Variants in HPCAL1 observed in about 807,000 individuals in gnomAD.
The protein encoded by HPCAL1 is hippocalcin like 1, also known as hippocalcin-like protein 1.
In HPCAL1, 8 loss-of-function variants were observed where a neutral mutation model predicts 17.1. That is an observed-to-expected ratio of 0.47 (90% confidence interval 0.27 to 0.84). The LOEUF is 0.84. HPCAL1 is among the 40% of genes least tolerant of loss of function. HPCAL1 has a pLI of 0.13. For synonymous variants in HPCAL1, 112 were observed against 111.4 expected (o/e 1.01, Z -0.03); for missense variants, 165 against 271.1 (o/e 0.61, Z 2.75).
chr2:10,426,758 C>A lies in HPCAL1; in HGVS notation c.519C>A (p.Ala173=), dbSNP rs759599660. The A allele has an allele frequency of 6.2e-7, 1 of 1,613,470 alleles. No individual in the cohort carries two copies. Among genetic ancestry groups the A allele is most frequent in the Non-Finnish European group, 8.5e-7 (1 of 1,179,996 alleles). ...KLSLEEFIRG[A]KSDPSIVRLL... is the part of the protein sequence containing the mutation. ...CCTTGGAAGAATTCATCAGAGGTGC[C>A]AAGAGCGACCCCTCCATCGTCCGCC... The change falls in exon 5 of 5, where the codon GCC becomes GCA. Residue 173 remains alanine (A), a synonymous_variant. Transcript: ENST00000307845.
intron 2 of HPCAL1, among the ~76,000 whole-genome samples, chr2:10,400,098 A>G (rs1434103030): frequency 6.6e-6 from 1 of 152,200 alleles, no homozygotes; most frequent in Non-Finnish European, 1.5e-5. Flanking sequence ...GACCTGACCA[A>G]AGGCCTGCAG....
rs904731432 is a variant in HPCAL1 at position 10,391,506 on chromosome 2, T to C, written c.-110-5329T>C. 3.9e-5 allele frequency among the ~76,000 whole-genome samples: 6 copies of C among 152,330 alleles called. No homozygotes were observed. The East Asian group carries it at 9.6e-4, about 24-fold the overall frequency. On this transcript the variant is annotated intron_variant, in intron 1 of 4. Coordinates refer to ENST00000307845, the MANE Select transcript of HPCAL1 (RefSeq NM_002149.4). ...AAGTATACAATGTAAAGTATACAAT[T>C]CAGTGATTTTTAGCATATTCACTTG... is the stretch of plus-strand genomic sequence containing the variant.
chr2:10,392,743 C>T (rs7582990), intron 1 of HPCAL1, among the ~76,000 whole-genome samples: 86,214 of 152,018 alleles, frequency 0.57, 24,772 homozygotes, highest in South Asian at 0.64. Flanking sequence ...TCCAGCTGGG[C>T]TTTGATTCCA....
chr2:10,328,082 G>A (rs1404678007), intron 1 of HPCAL1, among the ~76,000 whole-genome samples: 1 of 152,232 alleles, frequency 6.6e-6, no homozygotes, highest in Non-Finnish European at 1.5e-5. Flanking sequence ...GATGCGGAAA[G>A]ACAGCCAAGG....
At chr2:10,393,697 G>A (rs547841520) in intron 1 of HPCAL1, among the ~76,000 whole-genome samples, 4 of 152,322 alleles carry the variant, frequency 2.6e-5, no homozygotes, top group African/African-American at 9.6e-5. Context: ...ACCTCAATGT[G>A]GAGATAGGGT....
rs927891825 is a variant in HPCAL1, at chr2:10,367,732, G to T, written c.-110-29103G>T. On this transcript the variant is annotated intron_variant, in intron 1 of 4. Coordinates refer to ENST00000307845, the MANE Select transcript of HPCAL1 (RefSeq NM_002149.4). This position sits in a 1 kb window ranked among gnomAD's most constrained non-coding sequence, Gnocchi z 4.4. ...ATGGAAAGCCTTAGAACTGATGTCA[G>T]TGTGAGCCCTGTGCTGGAGTGGAGG... Among the ~76,000 whole-genome samples, 34 of 152,190 alleles carry T rather than the reference G, an allele frequency of 2.2e-4. No homozygotes were observed. Among genetic ancestry groups the T allele is most frequent in the Admixed American group, 2.2e-3 (33 of 15,286 alleles).
At chr2:10,315,981 T>C (rs940214080) in intron 1 of HPCAL1, among the ~76,000 whole-genome samples, 1 of 152,216 alleles carries the variant, frequency 6.6e-6, no homozygotes, top group Non-Finnish European at 1.5e-5. Context: ...CACTCCAGCC[T>C]GGGCAACAGA....
In HPCAL1 at chr2:10,390,636, C is replaced by T. The variant is rs540406537; in HGVS notation, c.-110-6199C>T. On this transcript the variant is annotated intron_variant, in intron 1 of 4. Transcript: ENST00000307845. ...ATGAGCAAGCAGGAGAGGCCACTTCCGGTTTTCTGCAGGTCCCAGTGAGCA... is the reference window on the plus strand; with the variant it reads ...ATGAGCAAGCAGGAGAGGCCACTTCTGGTTTTCTGCAGGTCCCAGTGAGCA... Among the ~76,000 whole-genome samples, 19 of 152,232 alleles carry T rather than the reference C, an allele frequency of 1.2e-4. No homozygotes were observed. In the East Asian group the frequency reaches 2.5e-3, roughly 20 times the overall value.
chr2:10,418,787 G>A (rs1670844950), intron 2 of HPCAL1, among the ~76,000 whole-genome samples: 1 of 152,162 alleles, frequency 6.6e-6, no homozygotes, highest in Non-Finnish European at 1.5e-5. Context: ...CTGGGGGATG[G>A]TTTTGAGCAG....
intron 1 of HPCAL1, among the ~76,000 whole-genome samples, chr2:10,387,339 G>A (rs576684708): frequency 5.2e-5 from 8 of 152,388 alleles, no homozygotes; most frequent in Non-Finnish European, 1.0e-4. Flanking sequence ...GTGACTGGCC[G>A]AGGGCCATGC....
At chr2:10,371,755 G>T (rs1382015887) in intron 1 of HPCAL1, among the ~76,000 whole-genome samples, 1 of 152,218 alleles carries the variant, frequency 6.6e-6, no homozygotes, top group Non-Finnish European at 1.5e-5. Flanking sequence ...TGCCCGGAAA[G>T]GTCCCTGGGC....
At chr2:10,360,439 T>A (rs1318833212) in intron 1 of HPCAL1, among the ~76,000 whole-genome samples, 1 of 151,356 alleles carries the variant, frequency 6.6e-6, no homozygotes, top group African/African-American at 2.4e-5. Flanking sequence ...TGAGATGGAA[T>A]CTTGCTCTGT....
intron 2 of HPCAL1, among the ~76,000 whole-genome samples, chr2:10,403,703 G>T (rs1307727667): frequency 6.6e-6 from 1 of 151,956 alleles, no homozygotes; most frequent in African/African-American, 2.4e-5. Context: ...GGCTGGTCTT[G>T]AACTCCTGAC....
chr2:10,303,472 G>C (rs1038154069), intron 1 of HPCAL1, among the ~76,000 whole-genome samples: 1 of 152,176 alleles, frequency 6.6e-6, no homozygotes, highest in African/African-American at 2.4e-5. Context: ...GGTGGGGAGC[G>C]GTGCCTGGCG....
At chr2:10,311,620 G>A (rs1296430525) in intron 1 of HPCAL1, among the ~76,000 whole-genome samples, 1 of 152,098 alleles carries the variant, frequency 6.6e-6, no homozygotes, top group Non-Finnish European at 1.5e-5. Context: ...GGGAGTGGGG[G>A]GAGAAGATGT....
Position 10,420,133 on chromosome 2 carries a change from C to CAGGTACCGGCGCCCG in HPCAL1, c.378+2_378+16dup. 6.2e-7 allele frequency: 1 copy of CAGGTACCGGCGCCCG among 1,603,376 alleles called. No individual in the cohort carries two copies. Among genetic ancestry groups the CAGGTACCGGCGCCCG allele is most frequent in the Middle Eastern group, 1.7e-4 (1 of 6,018 alleles). On this transcript the variant is annotated inframe_insertion and splice_region_variant, in exon 3 of 5. Coordinates refer to ENST00000307845, the MANE Select transcript of HPCAL1 (RefSeq NM_002149.4). ...CCGCAGCGAGATGCTGGAGATCGTG[C>CAGGTACCGGCGCCCG]AGGTACCGGCGCCCGAGGCCCCGGG...
chr2:10,395,628 G>A lies in HPCAL1; in HGVS notation c.-110-1207G>A, dbSNP rs1326497599. ...TTGTAAAGCGGGATCGTTGCTATGA[G>A]AGAGAGAACCTTGCGTTGGGAGAAA... On this transcript the variant is annotated intron_variant, in intron 1 of 4. Coordinates refer to ENST00000307845, the MANE Select transcript of HPCAL1 (RefSeq NM_002149.4). The surrounding 1 kb of genome is among the most constrained non-coding windows in gnomAD (Gnocchi z 4.4). Among the ~76,000 whole-genome samples, 2 of 152,210 alleles carry A rather than the reference G, an allele frequency of 1.3e-5. No individual in the cohort carries two copies. Among genetic ancestry groups the A allele is most frequent in the Non-Finnish European group, 2.9e-5 (2 of 68,040 alleles).
At chr2:10,353,428 C>T (rs980533459) in intron 1 of HPCAL1, among the ~76,000 whole-genome samples, 4 of 152,170 alleles carry the variant, frequency 2.6e-5, no homozygotes, top group African/African-American at 4.8e-5. Context: ...CCAGTGCTGT[C>T]GTGGGGGGCC....
chr2:10,326,735 C>T (rs1664042177), intron 1 of HPCAL1, among the ~76,000 whole-genome samples: 1 of 152,232 alleles, frequency 6.6e-6, no homozygotes, highest in African/African-American at 2.4e-5. Context: ...CGTTCATGAG[C>T]ACAGGGTGTG....
Sources: allele counts gnomAD v4.1 joint callset (sites outside exome capture counted in the v4.1 genomes callset), GRCh38; gene constraint gnomAD v4.1.1; non-coding constraint Gnocchi (gnomAD v3.1); transcripts MANE v1.5; gene names NCBI Gene and HGNC (gene_info 2026-07-23, HGNC 2026-07-21).